Variants in PDIA5 observed in about 807,000 individuals in gnomAD.
PDIA5 encodes the protein protein disulfide isomerase family A member 5, also known as protein disulfide-isomerase A5.
A neutral mutation model predicts 77.6 loss-of-function variants in PDIA5; 58 were observed. The observed-to-expected ratio is 0.75, with a 90% CI of 0.61 to 0.93. The LOEUF (loss-of-function observed/expected upper bound fraction) is 0.93, where lower values mean the gene tolerates loss of function less well. PDIA5 is among the 40% of genes least tolerant of loss of function. The probability of loss-of-function intolerance (pLI) is 0.00; values close to 1 mark genes in which losing one functional copy is unlikely to be tolerated. For synonymous variants in PDIA5, 250 were observed against 252.1 expected (o/e 0.99, Z 0.08); for missense variants, 630 against 647.7 (o/e 0.97, Z 0.30).
At chr3:123,093,847 G>A (rs921329696) in intron 3 of PDIA5, among the ~76,000 whole-genome samples, 1 of 152,170 alleles carries the variant, frequency 6.6e-6, no homozygotes, top group African/African-American at 2.4e-5. Flanking sequence ...CAAAGACCTC[G>A]GAGCACAATA....
intron 10 of PDIA5, among the ~76,000 whole-genome samples, chr3:123,125,949 A>G (rs756836653): frequency 7.9e-5 from 12 of 152,132 alleles, no homozygotes; most frequent in Non-Finnish European, 1.6e-4. Context: ...TCCTCTATCC[A>G]GACACATCTC....
chr3:123,091,301 C>T (rs1032611664), intron 2 of PDIA5, among the ~76,000 whole-genome samples: 17 of 152,160 alleles, frequency 1.1e-4, no homozygotes, highest in Non-Finnish European at 1.6e-4. Flanking sequence ...AGGCGATCTG[C>T]GGAGGCACAT....
chr3:123,127,930 AG>A (rs1935281283), intron 10 of PDIA5, among the ~76,000 whole-genome samples: 1 of 152,142 alleles, frequency 6.6e-6, no homozygotes, highest in Non-Finnish European at 1.5e-5. Context: ...TAAAGGGGTG[AG>A]GGAGAGCCCA....
At chr3:123,076,672 G>A (rs962145128) in intron 1 of PDIA5, among the ~76,000 whole-genome samples, 4 of 152,230 alleles carry the variant, frequency 2.6e-5, no homozygotes, top group Admixed American at 6.5e-5. Context: ...ATCAGTTAAC[G>A]GAGCTTGGAG....
intron 8 of PDIA5, among the ~76,000 whole-genome samples, chr3:123,117,899 G>A (rs1028041403): frequency 2.0e-5 from 3 of 152,098 alleles, no homozygotes; most frequent in East Asian, 3.9e-4. Flanking sequence ...AACAGCTGCC[G>A]GCTCCTCTAG....
chr3:123,086,846 A>G (rs574047818), intron 1 of PDIA5, among the ~76,000 whole-genome samples: 7 of 152,336 alleles, frequency 4.6e-5, no homozygotes, highest in Middle Eastern at 3.4e-3. Flanking sequence ...AATGTTATAC[A>G]TCTGATATTT....
At chr3:123,125,401 G>T (rs932560173) in intron 10 of PDIA5, among the ~76,000 whole-genome samples, 2 of 152,160 alleles carry the variant, frequency 1.3e-5, no homozygotes, top group African/African-American at 2.4e-5. Flanking sequence ...CAGTAAAGGG[G>T]TGGTGCCGGT....
rs762598657 is a variant in PDIA5 at position 123,161,486 on chromosome 3, T to G, written c.1479+31T>G. 4 of 1,603,620 alleles carry G rather than the reference T, an allele frequency of 2.5e-6. No homozygotes were observed. The Admixed American group carries it at 6.8e-5, about 27-fold the overall frequency. Reference sequence around the variant, plus strand: ...TGGGGGAGAGGCGTCTGCCCAGAGCTCTCTCTCTGCTGATGGGCAGGGAAA... The same window carrying G: ...TGGGGGAGAGGCGTCTGCCCAGAGCGCTCTCTCTGCTGATGGGCAGGGAAA... On this transcript the variant is annotated intron_variant, in intron 16 of 16. Transcript: ENST00000316218.
chr3:123,105,260 G>A (rs996907240), intron 5 of PDIA5, among the ~76,000 whole-genome samples: 6 of 152,186 alleles, frequency 3.9e-5, no homozygotes, highest in African/African-American at 7.2e-5. Flanking sequence ...GGGCTTCACC[G>A]ACTCCTGAAG....
chr3:123,161,559 A>G (rs1936160486), intron 16 of PDIA5, 104 bp downstream of exon 16: 4 of 1,268,844 alleles, frequency 3.2e-6, no homozygotes, highest in Non-Finnish European at 4.4e-6. Flanking sequence ...GAAACTGCAG[A>G]AGTCAGCTGG....
At chr3:123,122,193 G>T (rs1935135514) in intron 8 of PDIA5, among the ~76,000 whole-genome samples, 1 of 152,204 alleles carries the variant, frequency 6.6e-6, no homozygotes, top group Non-Finnish European at 1.5e-5. Flanking sequence ...AAGGTTTTGT[G>T]CAGGGAAGTG....
At chr3:123,115,208 G>C (rs1437378376) in intron 7 of PDIA5, among the ~76,000 whole-genome samples, 1 of 152,226 alleles carries the variant, frequency 6.6e-6, no homozygotes, top group East Asian at 1.9e-4. Context: ...TTGTAGCAGA[G>C]AGGCAGTCGG....
intron 11 of PDIA5, among the ~76,000 whole-genome samples, chr3:123,136,318 C>T (rs920639627): frequency 1.3e-5 from 2 of 152,210 alleles, no homozygotes; most frequent in Admixed American, 6.5e-5. Context: ...TCAAGGGATA[C>T]ATAAGAATAT....
chr3:123,146,138 A>C lies in PDIA5; in HGVS notation c.1021A>C (p.Lys341Gln). ...VLAAVDATVNKALAERFHISE... is the reference protein window; with the variant it reads ...VLAAVDATVNQALAERFHISE... The stretch of plus-strand genomic sequence containing the variant: ...TGCAGCTGTCGATGCCACTGTCAAC[A>C]AGGCCCTGGCAGAAAGATTCCACAT... The change falls in exon 13 of 17, where the codon AAG becomes CAG. Residue 341 changes from lysine to glutamine, a missense_variant. Physicochemically the swap from Lys to Gln is moderately conservative, Grantham distance 53. Transcript: ENST00000316218. 2 of 1,614,198 alleles carry C rather than the reference A, an allele frequency of 1.2e-6. No homozygotes were observed. The highest frequency in any genetic ancestry group is 1.7e-6 in the Non-Finnish European group (2 of 1,180,028).
intron 1 of PDIA5, among the ~76,000 whole-genome samples, chr3:123,075,679 G>T (rs1267748282): frequency 1.3e-5 from 2 of 152,074 alleles, no homozygotes; most frequent in Non-Finnish European, 2.9e-5. Context: ...GGAGTGATAT[G>T]GGGTCCAGAG....
chr3:123,130,499 C>T lies in PDIA5; in HGVS notation c.793C>T (p.Gln265Ter). The stretch of plus-strand genomic sequence containing the variant: ...TTCCAGTCCGCAGCCGCCACAGCCC[C>T]AGGTCCCTGAGACTCCCTGGGCAGA... ...WLKNPQPPQP[Q>*]VPETPWADEG... is the part of the protein sequence containing the mutation. The change falls in exon 11 of 17, where the codon CAG becomes TAG. Residue 265 changes from glutamine to a stop codon, truncating the protein, a stop_gained. Transcript: ENST00000316218. LOFTEE classifies it high-confidence loss of function. The T allele has an allele frequency of 6.2e-7, 1 of 1,614,050 alleles. No homozygotes were observed. Among genetic ancestry groups the T allele is most frequent in the South Asian group, 1.1e-5 (1 of 91,070 alleles).
intron 5 of PDIA5, among the ~76,000 whole-genome samples, 159 bp downstream of exon 5, chr3:123,102,955 T>C (rs1054004920): frequency 1.6e-4 from 24 of 152,240 alleles, no homozygotes; most frequent in African/African-American, 5.3e-4. Flanking sequence ...CAGCAGAATA[T>C]GTGGAAAAGT....
At chr3:123,154,171 T>C (rs1350334155) in intron 14 of PDIA5, among the ~76,000 whole-genome samples, 4 of 151,990 alleles carry the variant, frequency 2.6e-5, no homozygotes, top group Admixed American at 1.3e-4. Flanking sequence ...GAGGTCAGAG[T>C]TGGGGCTCAG....
At chr3:123,083,225 G>T (rs1409007130) in intron 1 of PDIA5, among the ~76,000 whole-genome samples, 2 of 143,724 alleles carry the variant, frequency 1.4e-5, no homozygotes, top group East Asian at 2.3e-4. Context: ...GGGAGGGGGG[G>T]TGCAGTGAAG....
Sources: gnomAD v4.1 joint callset for allele counts (sites outside exome capture counted in the v4.1 genomes callset) on GRCh38, gnomAD v4.1.1 for gene constraint, MANE v1.5 for transcripts, NCBI Gene and HGNC (gene_info 2026-07-23, HGNC 2026-07-21) for gene names.